Variants in SGCZ observed in about 807,000 individuals in gnomAD.
The protein encoded by SGCZ is sarcoglycan zeta, also known as zeta-sarcoglycan.
In SGCZ, 40 loss-of-function variants were observed where a neutral mutation model predicts 41.3. That is an observed-to-expected ratio of 0.97 (90% CI 0.75 to 1.26). SGCZ has a LOEUF of 1.26. SGCZ is among the 50% of genes most tolerant of loss of function. SGCZ has a pLI of 0.00. For synonymous variants in SGCZ, 206 were observed against 137.5 expected (o/e 1.50, Z -3.49); for missense variants, 552 against 369.8 (o/e 1.49, Z -4.04).
intron 2 of SGCZ, among the ~76,000 whole-genome samples, chr8:14,526,173 C>A (rs965216225): frequency 1.3e-5 from 2 of 152,032 alleles, no homozygotes; most frequent in Admixed American, 1.3e-4. Context: ...ATTTAGCAAC[C>A]ATAATTTCTC....
At chr8:14,267,452 A>G (rs945857141) in intron 3 of SGCZ, among the ~76,000 whole-genome samples, 2 of 152,124 alleles carry the variant, frequency 1.3e-5, no homozygotes, top group Admixed American at 1.3e-4. Context: ...TAAGAGAAAT[A>G]GTGAACTGGA....
chr8:14,223,543 T>C (rs1157559500), intron 4 of SGCZ, among the ~76,000 whole-genome samples: 3 of 87,126 alleles, frequency 3.4e-5, no homozygotes, highest in South Asian at 1.2e-3. Flanking sequence ...CCAATATATA[T>C]ATATATTTTA....
intron 1 of SGCZ, among the ~76,000 whole-genome samples, chr8:14,694,992 T>C (rs1335961921): frequency 1.3e-5 from 2 of 152,144 alleles, no homozygotes; most frequent in African/African-American, 4.8e-5. Flanking sequence ...TTATCCACAT[T>C]TGCACGGAAT....
At chr8:14,265,288 T>C (rs935824881) in intron 3 of SGCZ, among the ~76,000 whole-genome samples, 3 of 152,198 alleles carry the variant, frequency 2.0e-5, no homozygotes, top group African/African-American at 7.2e-5. Flanking sequence ...TTTATTATTA[T>C]TTTTATATCG....
At chr8:15,061,763 A>G (rs1477703772) in intron 1 of SGCZ, among the ~76,000 whole-genome samples, 4 of 152,096 alleles carry the variant, frequency 2.6e-5, no homozygotes, top group Non-Finnish European at 5.9e-5. Flanking sequence ...CCATTCTCCA[A>G]AAGTGAGACA....
chr8:14,949,926 C>G (rs930059150), intron 1 of SGCZ, among the ~76,000 whole-genome samples: 2 of 152,014 alleles, frequency 1.3e-5, no homozygotes, highest in African/African-American at 2.4e-5. Context: ...TTTAAGACTG[C>G]TGTTTTAAAT....
At chr8:15,194,782 G>C (rs1156389666) in intron 1 of SGCZ, among the ~76,000 whole-genome samples, 1 of 152,036 alleles carries the variant, frequency 6.6e-6, no homozygotes, top group Non-Finnish European at 1.5e-5. Context: ...CGAGATTTCA[G>C]AAAGCAGCCC....
intron 1 of SGCZ, among the ~76,000 whole-genome samples, chr8:14,857,849 G>C (rs1422049848): frequency 6.6e-6 from 1 of 152,080 alleles, no homozygotes; most frequent in African/African-American, 2.4e-5. Flanking sequence ...CTGGGTGACA[G>C]AGCAAGACTC....
chr8:14,165,774 C>T (rs1380869595), intron 4 of SGCZ, among the ~76,000 whole-genome samples: 9 of 152,082 alleles, frequency 5.9e-5, no homozygotes, highest in Admixed American at 5.9e-4. Context: ...CACCCAGGAG[C>T]TCAAAGCAGG....
chr8:14,942,829 T>A (rs1278239291), intron 1 of SGCZ, among the ~76,000 whole-genome samples: 24 of 152,160 alleles, frequency 1.6e-4, no homozygotes, highest in Non-Finnish European at 2.9e-5. Flanking sequence ...TCTTACAACT[T>A]AACTGTATAA....
At chr8:14,155,099 C>T (rs1228336567) in intron 5 of SGCZ, among the ~76,000 whole-genome samples, 1 of 152,176 alleles carries the variant, frequency 6.6e-6, no homozygotes, top group African/African-American at 2.4e-5. Context: ...GTTCCAGTAA[C>T]GCACTCTGTA....
At position 14,085,584 on chromosome 8, in the gene SGCZ, C is replaced by T. The variant is rs1801500576; in HGVS notation, c.*4859G>A. Among the ~76,000 whole-genome samples, 1 of 151,756 alleles carries T rather than the reference C, an allele frequency of 6.6e-6. No individual in the cohort carries two copies. On this transcript the variant is annotated 3_prime_UTR_variant, in exon 8 of 8. Coordinates refer to ENST00000382080, the MANE Select transcript of SGCZ (RefSeq NM_139167.4). ...ATTAAAAAATAGCCCTCTGGTTCTA[C>T]AAGTATTTCAAATTTTATTCTCCAA...
At chr8:14,523,909 G>T (rs966370620) in intron 2 of SGCZ, among the ~76,000 whole-genome samples, 9 of 151,868 alleles carry the variant, frequency 5.9e-5, no homozygotes, top group African/African-American at 2.2e-4. Flanking sequence ...CTCAGATTAG[G>T]TAATTTCTGT....
chr8:14,446,086 C>T (rs917176364), intron 2 of SGCZ, among the ~76,000 whole-genome samples: 3 of 152,142 alleles, frequency 2.0e-5, no homozygotes, highest in African/African-American at 7.2e-5. Context: ...ATCAGTTGTG[C>T]CATTTTTTCG....
At chr8:14,473,937 CAAA>C (rs11352108) in intron 2 of SGCZ, among the ~76,000 whole-genome samples, 6 of 141,396 alleles carry the variant, frequency 4.2e-5, no homozygotes, top group Admixed American at 7.1e-5. Flanking sequence ...GACCCTGTCT[CAAA>C]AAAAAAAAAA....
chr8:15,037,011 A>G (rs549684499), intron 1 of SGCZ, among the ~76,000 whole-genome samples: 1 of 152,192 alleles, frequency 6.6e-6, no homozygotes, highest in African/African-American at 2.4e-5. Flanking sequence ...ATCTCAACAG[A>G]AGCAGAAAAA....
chr8:15,004,808 T>A (rs1003249416), intron 1 of SGCZ, among the ~76,000 whole-genome samples: 6 of 152,034 alleles, frequency 3.9e-5, no homozygotes, highest in African/African-American at 1.2e-4. Flanking sequence ...GACGCAAAAG[T>A]TTTTCTGACT....
intron 1 of SGCZ, among the ~76,000 whole-genome samples, chr8:14,994,995 G>C (rs7826655): frequency 0.052 from 7,885 of 152,248 alleles, 636 homozygotes; most frequent in African/African-American, 0.18. Flanking sequence ...TTCTGTTGGA[G>C]AAAATGCCAA....
chr8:14,924,272 C>A lies in SGCZ; in HGVS notation c.39+313313G>T, dbSNP rs189401586. On this transcript the variant is annotated intron_variant, in intron 1 of 7. Coordinates refer to ENST00000382080, the MANE Select transcript of SGCZ (RefSeq NM_139167.4). Reference sequence around the variant, plus strand: ...AAGCTAGTTACATCTTCTGTTAGTTCCTGTATAGAAATGAAGTTTTTCACT... The same window carrying A: ...AAGCTAGTTACATCTTCTGTTAGTTACTGTATAGAAATGAAGTTTTTCACT... Among the ~76,000 whole-genome samples the A allele has an allele frequency of 4.1e-4, 62 of 152,228 alleles. 1 individual carries two copies. Among genetic ancestry groups the A allele is most frequent in the Admixed American group, 2.9e-3 (44 of 15,290 alleles).
Sources: gnomAD v4.1 joint callset for allele counts (sites outside exome capture counted in the v4.1 genomes callset) on GRCh38, gnomAD v4.1.1 for gene constraint, MANE v1.5 for transcripts, NCBI Gene and HGNC (gene_info 2026-07-23, HGNC 2026-07-21) for gene names.